HMCN1: variants seen among roughly 807,000 people sequenced by gnomAD.
The protein encoded by HMCN1 is hemicentin 1, also known as hemicentin-1.
A neutral mutation model predicts 625.9 loss-of-function variants in HMCN1; 321 were observed. The ratio of observed to expected loss-of-function variants is 0.51; its 90% CI spans 0.47 to 0.56. The LOEUF is 0.56. Among genes scored for constraint, HMCN1 ranks in the 20% least tolerant of loss-of-function variants. The pLI, the probability that HMCN1 is intolerant of heterozygous loss-of-function variation, is 0.00. For synonymous variants in HMCN1, 2,425 were observed against 2,417.6 expected (o/e 1.00, Z -0.09); for missense variants, 6,588 against 6,887.3 (o/e 0.96, Z 1.54).
intron 44 of HMCN1, 85 bp downstream of exon 44, chr1:186,054,071 T>C: frequency 1.5e-6 from 2 of 1,315,670 alleles, no homozygotes; most frequent in Non-Finnish European, 2.2e-6. Flanking sequence ...ATATCTTTAA[T>C]GTTCATTCAA....
chr1:186,142,982 T>A (rs571676756), intron 89 of HMCN1, among the ~76,000 whole-genome samples: 9 of 152,204 alleles, frequency 5.9e-5, no homozygotes, highest in Admixed American at 2.0e-4. Flanking sequence ...GCTATGAGCA[T>A]CCACAGCCTG....
chr1:185,882,004 T>A (rs1297906301), intron 4 of HMCN1, among the ~76,000 whole-genome samples: 1 of 152,318 alleles, frequency 6.6e-6, no homozygotes, highest in East Asian at 1.9e-4. Flanking sequence ...CATAAGATAT[T>A]TTTTTCTTTT....
chr1:185,972,172 G>T (rs181713002), intron 15 of HMCN1, among the ~76,000 whole-genome samples: 2 of 152,112 alleles, frequency 1.3e-5, no homozygotes, highest in African/African-American at 4.8e-5. Context: ...TTTTAGACTT[G>T]TCTGGCTCTA....
chr1:185,795,097 G>A (rs982393617), intron 1 of HMCN1, among the ~76,000 whole-genome samples: 13 of 152,124 alleles, frequency 8.5e-5, no homozygotes, highest in Admixed American at 3.9e-4. Flanking sequence ...CTAAATAAAT[G>A]AACTACACAC....
intron 22 of HMCN1, among the ~76,000 whole-genome samples, chr1:185,990,926 A>G (rs1431480286): frequency 6.6e-6 from 1 of 152,248 alleles, no homozygotes; most frequent in Non-Finnish European, 1.5e-5. Context: ...AGAATGCTGG[A>G]GCTTTAAAAG....
intron 14 of HMCN1, among the ~76,000 whole-genome samples, chr1:185,967,407 A>G (rs940905623): frequency 6.6e-5 from 10 of 152,148 alleles, no homozygotes; most frequent in Admixed American, 2.0e-4. Context: ...TATCTCAACT[A>G]TAGATATTAC....
intron 4 of HMCN1, among the ~76,000 whole-genome samples, chr1:185,884,644 TG>T (rs980935655): frequency 2.0e-5 from 3 of 152,032 alleles, no homozygotes; most frequent in African/African-American, 7.2e-5. Context: ...GTTTCTAACT[TG>T]GCAGTCCCTC....
chr1:185,814,951 C>T (rs1322358827), intron 1 of HMCN1, among the ~76,000 whole-genome samples: 1 of 150,018 alleles, frequency 6.7e-6, no homozygotes, highest in Admixed American at 6.6e-5. Context: ...CTCGGCCTCC[C>T]AAAGTGCTGG....
intron 1 of HMCN1, among the ~76,000 whole-genome samples, chr1:185,736,153 T>C (rs547750824): frequency 6.6e-6 from 1 of 152,300 alleles, no homozygotes; most frequent in East Asian, 1.9e-4. Flanking sequence ...TATTAAACAA[T>C]GGCACTGGGA....
intron 30 of HMCN1, among the ~76,000 whole-genome samples, chr1:186,013,915 A>G (rs1422984996): frequency 6.6e-6 from 1 of 152,132 alleles, no homozygotes; most frequent in African/African-American, 2.4e-5. Context: ...GAAGAATTAT[A>G]AATAAATTAT....
intron 11 of HMCN1, among the ~76,000 whole-genome samples, chr1:185,944,806 C>T (rs1217489547): frequency 6.6e-6 from 1 of 152,178 alleles, no homozygotes; most frequent in Non-Finnish European, 1.5e-5. Flanking sequence ...TAACATAATA[C>T]TTAGTACCCA....
chr1:185,768,730 GA>G (rs1656033983), intron 1 of HMCN1, among the ~76,000 whole-genome samples: 1 of 152,180 alleles, frequency 6.6e-6, no homozygotes, highest in African/African-American at 2.4e-5. Context: ...AGGATCACTT[GA>G]ACACAGGAGT....
At position 186,137,420 on chromosome 1, in the gene HMCN1, G is replaced by A. The variant is rs41317499; in HGVS notation, c.13583-78G>A. On this transcript the variant is annotated intron_variant, in intron 87 of 106. Transcript: ENST00000271588. ...AACTATATATTTAGCTCTGTAACCC[G>A]TGCATATCTTAAATGAAATCTCCTT... is the stretch of plus-strand genomic sequence containing the variant. 13,240 of 1,460,148 alleles carry A rather than the reference G, an allele frequency of 9.1e-3. 114 individuals are homozygous for A. The highest frequency in any genetic ancestry group is 0.03 in the South Asian group (2,509 of 82,968). 90.4% of individuals were successfully genotyped at this position (1,460,148 alleles called of 1,614,324 possible).
intron 36 of HMCN1, among the ~76,000 whole-genome samples, chr1:186,025,097 A>G (rs1036271468): frequency 2.0e-5 from 3 of 152,198 alleles, no homozygotes; most frequent in Non-Finnish European, 4.4e-5. Context: ...ATCAGGCATT[A>G]TATTATCGTA....
chr1:186,050,955 A>C (rs1309710631), intron 42 of HMCN1, among the ~76,000 whole-genome samples: 1 of 152,042 alleles, frequency 6.6e-6, no homozygotes, highest in East Asian at 1.9e-4. Flanking sequence ...GTAGAAAAGC[A>C]TATGAGACAC....
Position 186,151,567 on chromosome 1 carries a change from A to C in HMCN1, c.14759-39A>C, listed in dbSNP as rs371912581. On this transcript the variant is annotated intron_variant, in intron 94 of 106. Transcript: ENST00000271588. ...TATGAAGACAATAAAATAGACTAAA[A>C]ATTTTGCTATCACCTTATTTATCCT... The C allele has an allele frequency of 7.6e-5, 121 of 1,585,942 alleles. 1 individual carries two copies. The African/African-American group carries it at 1.5e-3, about 19-fold the overall frequency.
intron 5 of HMCN1, among the ~76,000 whole-genome samples, chr1:185,911,471 T>C (rs1666416488): frequency 6.6e-6 from 1 of 152,182 alleles, no homozygotes; most frequent in South Asian, 2.1e-4. Flanking sequence ...GGTCATAAGA[T>C]ACTGGAAATT....
chr1:185,879,668 G>A (rs930401840), intron 4 of HMCN1, among the ~76,000 whole-genome samples: 6 of 152,166 alleles, frequency 3.9e-5, no homozygotes, highest in Non-Finnish European at 7.3e-5. Flanking sequence ...AAGTGTTTTA[G>A]AGGAGCATCT....
chr1:186,117,935 G>T (rs1052844219), intron 77 of HMCN1, among the ~76,000 whole-genome samples: 1 of 152,054 alleles, frequency 6.6e-6, no homozygotes, highest in Non-Finnish European at 1.5e-5. Flanking sequence ...AGTTACCTGT[G>T]AGTGAATCAC....
Sources: allele counts gnomAD v4.1 joint callset (sites outside exome capture counted in the v4.1 genomes callset), GRCh38; gene constraint gnomAD v4.1.1; transcripts MANE v1.5; gene names NCBI Gene and HGNC (gene_info 2026-07-23, HGNC 2026-07-21).